Variants in PTPRN2 observed in about 807,000 individuals in gnomAD.
PTPRN2 encodes the protein receptor-type tyrosine-protein phosphatase N2.
PTPRN2 carries 74 observed loss-of-function variants against 118.8 expected under a neutral mutation model. That is an observed-to-expected ratio of 0.62 (90% CI 0.52 to 0.76). The LOEUF is 0.76. Ranked by LOEUF, PTPRN2 falls within the 30% of genes least tolerant of loss-of-function variation. The pLI, the probability that PTPRN2 is intolerant of heterozygous loss-of-function variation, is 0.00. For synonymous variants in PTPRN2, 641 were observed against 608.0 expected, an observed-to-expected ratio of 1.05 and a Z score of -0.80; for missense variants, 1,481 against 1,394.4, an observed-to-expected ratio of 1.06 and a Z score of -0.99.
Position 157,600,787 on chromosome 7 carries a change from T to C in PTPRN2, c.2418+3215A>G, listed in dbSNP as rs560221985. 5.3e-5 allele frequency among the ~76,000 whole-genome samples: 8 copies of C among 152,378 alleles called. No homozygotes were observed. The South Asian group carries it at 1.5e-3, about 28-fold the overall frequency. ...AGATTTACTTAAGTAAAATACTGAA[T>C]ATAAACCATTATTATACACAGAATT... On this transcript the variant is annotated intron_variant, in intron 16 of 22. Transcript: ENST00000389418.
In PTPRN2 at chr7:158,544,347, A is replaced by AT. The variant is rs1424437096; in HGVS notation, c.112+43210dup. The stretch of plus-strand genomic sequence containing the variant: ...ATAAACTTTCTTAAAACATTATGAG[A>AT]TTTTTTGGCCGGGTGCGGTGGCTCA... On this transcript the variant is annotated intron_variant, in intron 1 of 22. Coordinates refer to ENST00000389418, the MANE Select transcript of PTPRN2 (RefSeq NM_002847.5). This position sits in a 1 kb window ranked among gnomAD's most constrained non-coding sequence, Gnocchi z 4.2. 6.6e-6 allele frequency among the ~76,000 whole-genome samples: 1 copy of AT among 151,916 alleles called. No homozygotes were observed. Among genetic ancestry groups the AT allele is most frequent in the East Asian group, 1.9e-4 (1 of 5,174 alleles).
intron 12 of PTPRN2, among the ~76,000 whole-genome samples, chr7:157,684,555 G>C (rs2150814484): frequency 6.6e-6 from 1 of 151,844 alleles, no homozygotes; most frequent in South Asian, 2.1e-4. Context: ...TTCGCGTGGA[G>C]ATCCGGTCCG....
In PTPRN2 at chr7:157,615,877, T is replaced by C; in HGVS notation, c.2344+5485A>G. 3.0e-6 allele frequency: 1 copy of C among 334,830 alleles called. No individual in the cohort carries two copies. The highest frequency in any genetic ancestry group is 5.9e-6 in the Non-Finnish European group (1 of 170,224). 20.7% of individuals were successfully genotyped at this position (334,830 alleles called of 1,614,324 possible). ...ACCGAAGACCTTAAGGAAAAGACTC[T>C]GGATGTTAGTGGGTTCGGCCTCAGA... On this transcript the variant is annotated intron_variant, in intron 15 of 22. Coordinates refer to ENST00000389418, the MANE Select transcript of PTPRN2 (RefSeq NM_002847.5). This position sits in a 1 kb window ranked among gnomAD's most constrained non-coding sequence, Gnocchi z 4.3.
chr7:158,363,473 C>T (rs915370137), intron 2 of PTPRN2, among the ~76,000 whole-genome samples: 1 of 152,198 alleles, frequency 6.6e-6, no homozygotes, highest in African/African-American at 2.4e-5. Flanking sequence ...CATTCTCTGA[C>T]CAGAGAGGTC....
In PTPRN2 at chr7:158,557,203, C is replaced by G. The variant is rs797022740; in HGVS notation, c.112+30355G>C. Among the ~76,000 whole-genome samples the G allele has an allele frequency of 3.4e-4, 47 of 137,422 alleles. 1 individual carries two copies. Among genetic ancestry groups the G allele is most frequent in the African/African-American group, 1.2e-3 (43 of 34,954 alleles). The allele number at this position is 137,422 out of a possible 152,430, so 90.2% of individuals were successfully genotyped here. A position where few individuals can be genotyped will look rare whatever the true frequency, so the allele number is the denominator to read the frequency against. ...TCCCGCGCAGGTCAGGCGGCTCCCA[C>G]GCAGGTCGCTCCCACGCAGGTCAGA... On this transcript the variant is annotated intron_variant, in intron 1 of 22. Transcript: ENST00000389418.
chr7:158,282,727 C>T (rs1333087962), intron 3 of PTPRN2, among the ~76,000 whole-genome samples: 2 of 151,950 alleles, frequency 1.3e-5, no homozygotes, highest in Non-Finnish European at 2.9e-5. Flanking sequence ...CTCGTGCTCC[C>T]ACATGCAGCA....
intron 12 of PTPRN2, among the ~76,000 whole-genome samples, chr7:157,771,047 C>T (rs1282704751): frequency 2.0e-5 from 3 of 152,260 alleles, no homozygotes; most frequent in African/African-American, 7.2e-5. Context: ...CCCATTTCCT[C>T]TCTTGGGACA....
chr7:158,295,854 A>G (rs990744273), intron 3 of PTPRN2, among the ~76,000 whole-genome samples: 1 of 152,370 alleles, frequency 6.6e-6, no homozygotes, highest in African/African-American at 2.4e-5. Flanking sequence ...ATGCTGCCCC[A>G]CATCTCCATA....
chr7:158,481,024 C>A (rs13311856), intron 2 of PTPRN2, among the ~76,000 whole-genome samples: 1 of 152,270 alleles, frequency 6.6e-6, no homozygotes, highest in Admixed American at 6.5e-5. Flanking sequence ...GTAGATGAAA[C>A]AGCCTTACAT....
At chr7:158,179,592 A>G (rs893668651) in intron 5 of PTPRN2, among the ~76,000 whole-genome samples, 1 of 152,088 alleles carries the variant, frequency 6.6e-6, no homozygotes, top group African/African-American at 2.4e-5. Context: ...TTCCTACTTA[A>G]TCTTCTAGAA....
rs570287322 is a variant in PTPRN2 at position 158,509,650 on chromosome 7, C to G, written c.113-19865G>C. ...CCCCCAGCCTCATTTCCATCTCTGTCATGGGCTCTACTGACAACACACTAG... is the reference window on the plus strand; with the variant it reads ...CCCCCAGCCTCATTTCCATCTCTGTGATGGGCTCTACTGACAACACACTAG... On this transcript the variant is annotated intron_variant, in intron 1 of 22. Coordinates refer to ENST00000389418, the MANE Select transcript of PTPRN2 (RefSeq NM_002847.5). The surrounding 1 kb of genome is among the most constrained non-coding windows in gnomAD (Gnocchi z 4.4). 6.6e-6 allele frequency among the ~76,000 whole-genome samples: 1 copy of G among 152,258 alleles called. No homozygotes were observed. The highest frequency in any genetic ancestry group is 2.1e-4 in the South Asian group (1 of 4,832).
intron 4 of PTPRN2, among the ~76,000 whole-genome samples, chr7:158,199,024 C>G (rs1388305528): frequency 6.6e-6 from 1 of 151,758 alleles, no homozygotes; most frequent in Non-Finnish European, 1.5e-5. Flanking sequence ...AGCATGTTCC[C>G]AGGTTCTTGG....
intron 12 of PTPRN2, among the ~76,000 whole-genome samples, chr7:157,746,579 T>G (rs1485473725): frequency 3.5e-5 from 5 of 141,548 alleles, no homozygotes; most frequent in Admixed American, 2.8e-4. Context: ...GCCAAGGGCG[T>G]GGAGATCACG....
rs915386471 is a variant in PTPRN2 at position 158,509,774 on chromosome 7, A to G, written c.113-19989T>C. ...CCTGAGGCCACACGGGCAGAGTGGC[A>G]GTGGAGGGCTGGCATGCACACAGAG... On this transcript the variant is annotated intron_variant, in intron 1 of 22. Coordinates refer to ENST00000389418, the MANE Select transcript of PTPRN2 (RefSeq NM_002847.5). The surrounding 1 kb of genome is among the most constrained non-coding windows in gnomAD (Gnocchi z 4.4). Among the ~76,000 whole-genome samples, 1 of 152,180 alleles carries G rather than the reference A, an allele frequency of 6.6e-6. No homozygotes were observed. The highest frequency in any genetic ancestry group is 2.4e-5 in the African/African-American group (1 of 41,434).
intron 12 of PTPRN2, among the ~76,000 whole-genome samples, chr7:157,832,616 G>A (rs898481524): frequency 2.0e-5 from 3 of 152,136 alleles, no homozygotes; most frequent in Non-Finnish European, 2.9e-5. Flanking sequence ...AAAAAGAAAT[G>A]GAAACACGAA....
rs1387232488 is a variant in PTPRN2, at chr7:157,550,181, CT to C, written c.2903-1163del. On this transcript the variant is annotated intron_variant, in intron 21 of 22. Coordinates refer to ENST00000389418, the MANE Select transcript of PTPRN2 (RefSeq NM_002847.5). The surrounding 1 kb of genome is among the most constrained non-coding windows in gnomAD (Gnocchi z 5.2). ...AGAAGCTTTAAAATTCCCGAGGTTC[CT>C]CAATTTCCTTTCCCTGTGGTTCTGT... Among the ~76,000 whole-genome samples the C allele has an allele frequency of 6.6e-6, 1 of 152,194 alleles. No homozygotes were observed. The highest frequency in any genetic ancestry group is 1.9e-4 in the East Asian group (1 of 5,186).
chr7:158,270,145 G>GA (rs1798213092), intron 3 of PTPRN2, among the ~76,000 whole-genome samples: 3 of 152,230 alleles, frequency 2.0e-5, no homozygotes, highest in Admixed American at 1.3e-4. Context: ...ACCCAGGACA[G>GA]ACGCCCCACA....
chr7:158,447,886 G>A (rs957728363), intron 2 of PTPRN2, among the ~76,000 whole-genome samples: 5 of 152,218 alleles, frequency 3.3e-5, no homozygotes, highest in African/African-American at 1.2e-4. Context: ...GACAAGCCAC[G>A]GTCTTGCCCC....
intron 12 of PTPRN2, among the ~76,000 whole-genome samples, chr7:157,774,851 C>T (rs1301684253): frequency 1.3e-5 from 2 of 152,158 alleles, no homozygotes; most frequent in African/African-American, 2.4e-5. Context: ...GGGGAGGCTT[C>T]CTCTAGAGGA....
Sources: gnomAD v4.1 joint callset for allele counts (sites outside exome capture counted in the v4.1 genomes callset) on GRCh38, gnomAD v4.1.1 for gene constraint, Gnocchi (gnomAD v3.1) non-coding constraint, MANE v1.5 for transcripts, NCBI Gene and HGNC (gene_info 2026-07-23, HGNC 2026-07-21) for gene names.